The following DCHS1 variants were observed in gnomAD, a reference collection of about 807,000 sequenced individuals.
The protein encoded by DCHS1 is protocadherin-16.
A neutral mutation model predicts 213.9 loss-of-function variants in DCHS1; 78 were observed. That is an observed-to-expected ratio of 0.36 (90% confidence interval 0.30 to 0.44). The LOEUF (loss-of-function observed/expected upper bound fraction) is 0.44. Ranked by LOEUF, DCHS1 falls within the 20% of genes least tolerant of loss-of-function variation. The pLI, the probability that DCHS1 is intolerant of heterozygous loss-of-function variation, is 1.00. For synonymous variants in DCHS1, 1,828 were observed against 1,873.7 expected (o/e 0.98, Z 0.63); for missense variants, 3,946 against 4,395.9 (o/e 0.90, Z 2.89).
chr11:6,627,380 T>G lies in DCHS1; in HGVS notation c.5659A>C (p.Asn1887His). ...LQAHDPDAGA[N>H]GHVTYYLGAG... is the part of the protein sequence containing the mutation. ...CCCAGGTAGTAGGTCACATGGCCATTAGCTCCAGCATCAGGGTCATGAGCC... is the reference window on the plus strand; with the variant it reads ...CCCAGGTAGTAGGTCACATGGCCATGAGCTCCAGCATCAGGGTCATGAGCC... The change falls in exon 14 of 21, where the codon AAT (asparagine) becomes CAT (histidine). Residue 1887 changes from asparagine to histidine, a missense_variant. By Grantham distance (68) the Asn-to-His change is moderately conservative. This residue lies in a region of DCHS1 where 3,384 missense variants were observed against 3,780.1 expected (regional missense o/e 0.90). Transcript: ENST00000299441. The surrounding 1 kb of genome is among the most constrained non-coding windows in gnomAD (Gnocchi z 5.4). 6.2e-7 allele frequency: 1 copy of G among 1,608,088 alleles called. No homozygotes were observed. The highest frequency in any genetic ancestry group is 8.5e-7 in the Non-Finnish European group (1 of 1,177,358).
intron 1 of DCHS1, among the ~76,000 whole-genome samples, chr11:6,647,331 G>A (rs1188379952): frequency 2.0e-5 from 3 of 152,156 alleles, no homozygotes; most frequent in Non-Finnish European, 2.9e-5. Flanking sequence ...CCACCGGTGC[G>A]TGCTGGGCCA....
Position 6,641,783 on chromosome 11 carries a change from TCCAGATAACCTGGACGAGGC to T in DCHS1, c.-120-70_-120-51del, listed in dbSNP as rs1034678797. Reference sequence around the variant, plus strand: ...GTCATGACAGAGGAGGGATCAGCAGTCCAGATAACCTGGACGAGGCCACATCAACATTCAGATATGCTCAG... The same window carrying T: ...GTCATGACAGAGGAGGGATCAGCAGTCACATCAACATTCAGATATGCTCAG... On this transcript the variant is annotated intron_variant, in intron 1 of 20. Transcript: ENST00000299441. The surrounding 1 kb of genome is among the most constrained non-coding windows in gnomAD (Gnocchi z 7.1). 5.0e-6 allele frequency: 7 copies of T among 1,404,878 alleles called. No individual in the cohort carries two copies. The highest frequency in any genetic ancestry group is 6.5e-6 in the Non-Finnish European group (7 of 1,073,984). The allele number at this position is 1,404,878 out of a possible 1,614,324, so 87.0% of individuals were successfully genotyped here.
intron 6 of DCHS1, 48 bp from the exon 7 acceptor site, chr11:6,631,857 A>T: frequency 1.3e-6 from 2 of 1,486,342 alleles, no homozygotes; most frequent in South Asian, 2.8e-5. Context: ...AAGGATGCAG[A>T]GCCTGAGGCC....
At position 6,640,438 on chromosome 11, in the gene DCHS1, G is replaced by A. The variant is rs777724702; in HGVS notation, c.1176C>T (p.Asp392=). Residue 392 remains aspartate, a synonymous_variant, in exon 2 of 21, where the codon GAC becomes GAT. Transcript: ENST00000299441. The surrounding 1 kb of genome is among the most constrained non-coding windows in gnomAD (Gnocchi z 6.5). ...GQLVARISVS[D]PDDGDFAHVN... Reference sequence around the variant, plus strand: ...CATGGGCAAAGTCACCATCATCTGGGTCTGACACAGAGATGCGAGCAACGA... The same window carrying A: ...CATGGGCAAAGTCACCATCATCTGGATCTGACACAGAGATGCGAGCAACGA... The A allele has an allele frequency of 2.5e-6, 4 of 1,613,932 alleles. No homozygotes were observed. The highest frequency in any genetic ancestry group is 3.3e-5 in the Admixed American group (2 of 60,026).
chr11:6,625,291 T>G lies in DCHS1; in HGVS notation c.7053A>C (p.Ala2351=). Residue 2351 remains alanine (A), a synonymous_variant, in exon 19 of 21, where the codon GCA becomes GCC. Coordinates refer to ENST00000299441, the MANE Select transcript of DCHS1 (RefSeq NM_003737.4). The surrounding 1 kb of genome is among the most constrained non-coding windows in gnomAD (Gnocchi z 5.3). ...CACGGCCCTCATGAGGCCCATCATG[T>G]GCCAGCAGCTGCAGCTGGTAGCGGT... ...QCDRYQLQLL[A]HDGPHEGRAN... is the part of the protein sequence containing the mutation. 6.2e-7 allele frequency: 1 copy of G among 1,613,864 alleles called. No homozygotes were observed. Among genetic ancestry groups the G allele is most frequent in the Non-Finnish European group, 8.5e-7 (1 of 1,179,884 alleles).
At chr11:6,643,426 A>G (rs1483915935) in intron 1 of DCHS1, among the ~76,000 whole-genome samples, 1 of 152,092 alleles carries the variant, frequency 6.6e-6, no homozygotes, top group East Asian at 1.9e-4. Context: ...GTTGGCGGCC[A>G]CCTGTTTATC....
At position 6,640,636 on chromosome 11, in the gene DCHS1, C is replaced by T. The variant is rs778785311; in HGVS notation, c.978G>A (p.Arg326=). The change falls in exon 2 of 21, where the codon CGG becomes CGA. Residue 326 remains arginine, a synonymous_variant. Transcript: ENST00000299441. This position sits in a 1 kb window ranked among gnomAD's most constrained non-coding sequence, Gnocchi z 6.5. ...GTGCTTGCACCACCAGTTCATGGAC[C>T]CGCCGCTGCTCAAAGTCCAGTGGCC... ...LERPLDFEQR[R]VHELVVQARD... is the part of the protein sequence containing the mutation. 1.4e-5 allele frequency: 22 copies of T among 1,611,506 alleles called. No individual in the cohort carries two copies. The Admixed American group carries it at 3.7e-4, about 27-fold the overall frequency.
At position 6,625,966 on chromosome 11, in the gene DCHS1, T is replaced by G. The variant is rs748941825; in HGVS notation, c.6685A>C (p.Ile2229Leu). The change falls in exon 17 of 21, where the codon ATC (isoleucine) becomes CTC (leucine). Residue 2229 changes from isoleucine (I) to leucine (L), a missense_variant. Ile to Leu is a conservative substitution (Grantham distance 5). Transcript: ENST00000299441. The surrounding 1 kb of genome is among the most constrained non-coding windows in gnomAD (Gnocchi z 5.3). ...LFHVDPTTGT[I>L]TTTAILDREI... is the part of the protein sequence containing the mutation. ...CGGTCCAGGATGGCTGTGGTAGTGA[T>G]AGTGCCTGTGGTTGGGTCTACGTGG... 4 of 1,613,658 alleles carry G rather than the reference T, an allele frequency of 2.5e-6. No homozygotes were observed. In the Admixed American group the frequency reaches 6.7e-5, roughly 27 times the overall value.
rs775844204 is a variant in DCHS1, at chr11:6,632,650, C to A, written c.2862G>T (p.Arg954Ser). The A allele has an allele frequency of 9.6e-6, 15 of 1,562,902 alleles. No individual in the cohort carries two copies. In the East Asian group the frequency reaches 3.3e-4, roughly 35 times the overall value. The stretch of plus-strand genomic sequence containing the variant: ...CTGGCCCTCCTGAGGGCCCCAGAGG[C>A]CTCATAAGCCGTACATGGCCTGTGG... ...DPTTGHVRLM[R>S]PLGPSGGPAH... Residue 954 changes from arginine to serine, a missense_variant, in exon 6 of 21, where the codon AGG becomes AGT. Arg to Ser is a moderately radical substitution (Grantham distance 110). Transcript: ENST00000299441. The surrounding 1 kb of genome is among the most constrained non-coding windows in gnomAD (Gnocchi z 5.9).
chr11:6,630,424 G>A lies in DCHS1; in HGVS notation c.4370C>T (p.Thr1457Ile). Residue 1457 changes from threonine to isoleucine, a missense_variant, in exon 10 of 21, where the codon ACT becomes ATT. Physicochemically the swap from Thr to Ile is moderately conservative, Grantham distance 89. Transcript: ENST00000299441. ...ENPEPGAALY[T>I]FRASDADGPG... ...GCCGTCGGCGTCCGACGCGCGGAAA[G>A]TGTACAGCGCTGCGCCGGGCTCCGG... 1 of 1,476,428 alleles carries A rather than the reference G, an allele frequency of 6.8e-7. No homozygotes were observed. Among genetic ancestry groups the A allele is most frequent in the Non-Finnish European group, 8.9e-7 (1 of 1,120,300 alleles). 91.5% of individuals were successfully genotyped at this position (1,476,428 alleles called of 1,614,324 possible).
intron 1 of DCHS1, among the ~76,000 whole-genome samples, chr11:6,650,880 G>A (rs974185203): frequency 3.3e-5 from 5 of 152,196 alleles, no homozygotes; most frequent in African/African-American, 1.2e-4. Flanking sequence ...GAAGAGGATC[G>A]AGGGAGACGA....
intron 6 of DCHS1, 86 bp from the exon 7 acceptor site, chr11:6,631,895 G>C: frequency 6.9e-7 from 1 of 1,455,556 alleles, no homozygotes; most frequent in Non-Finnish European, 9.1e-7. Context: ...TGTTTGGGGA[G>C]TGGGGGAGGG....
chr11:6,648,929 A>C (rs1856206376), intron 1 of DCHS1, among the ~76,000 whole-genome samples: 1 of 152,186 alleles, frequency 6.6e-6, no homozygotes, highest in African/African-American at 2.4e-5. Context: ...TCGGCCACTT[A>C]AGCATGAGTC....
intron 20 of DCHS1, 50 bp downstream of exon 20, chr11:6,624,680 T>C (rs202152693): frequency 1.2e-6 from 2 of 1,611,358 alleles, no homozygotes. Context: ...GAGGTCAGAT[T>C]ACAGCCCAAC....
Position 6,631,633 on chromosome 11 carries a change from C to T in DCHS1, c.3658G>A (p.Gly1220Arg). Reference sequence around the variant, plus strand: ...TCACATACCTGTATAGGGAGGCCCCCACCAGCAGCTCCTGAAGCCTGCAGG... The same window carrying T: ...TCACATACCTGTATAGGGAGGCCCCTACCAGCAGCTCCTGAAGCCTGCAGG... ...TFLQASGAAG[G>R]GLPIQVPDRV... Residue 1220 changes from glycine (G) to arginine (R), a missense_variant, in exon 7 of 21, where the codon GGG (glycine) becomes AGG (arginine). This residue lies in a region of DCHS1 where 3,384 missense variants were observed against 3,780.1 expected (regional missense o/e 0.90). Transcript: ENST00000299441. The T allele has an allele frequency of 6.3e-7, 1 of 1,580,878 alleles. No homozygotes were observed.
In DCHS1 at chr11:6,628,355, G is replaced by C. The variant is rs990258940; in HGVS notation, c.5371+266C>G. ...AATTAAGAGTGTTAAGGGTTTTTGA[G>C]ACCAAAAATTTGAGAACGACTGCTC... On this transcript the variant is annotated intron_variant, in intron 13 of 20. Coordinates refer to ENST00000299441, the MANE Select transcript of DCHS1 (RefSeq NM_003737.4). This position sits in a 1 kb window ranked among gnomAD's most constrained non-coding sequence, Gnocchi z 4.3. 1.3e-5 allele frequency among the ~76,000 whole-genome samples: 2 copies of C among 152,126 alleles called. No individual in the cohort carries two copies. Among genetic ancestry groups the C allele is most frequent in the Admixed American group, 6.5e-5 (1 of 15,274 alleles).
At chr11:6,631,901 G>T in intron 6 of DCHS1, 92 bp from the exon 7 acceptor site, 1 of 1,451,394 alleles carries the variant, frequency 6.9e-7, no homozygotes, top group Non-Finnish European at 9.1e-7. Context: ...GGGAGTGGGG[G>T]AGGGAATGCC....
At position 6,623,954 on chromosome 11, in the gene DCHS1, T is replaced by A; in HGVS notation, c.7722A>T (p.Ala2574=). ...SLTQYNLTVA[A]ADRGQPPQSS... ...TTTGGGGTGGCTGCCCACGGTCAGC[T>A]GCAGCCACTGTTAGATTGTACTGTG... Residue 2574 remains alanine (A), a synonymous_variant, in exon 21 of 21, where the codon GCA becomes GCT. Coordinates refer to ENST00000299441, the MANE Select transcript of DCHS1 (RefSeq NM_003737.4). 1 of 1,607,304 alleles carries A rather than the reference T, an allele frequency of 6.2e-7. No homozygotes were observed. Among genetic ancestry groups the A allele is most frequent in the Non-Finnish European group, 8.5e-7 (1 of 1,174,966 alleles).
Position 6,626,957 on chromosome 11 carries a change from C to T in DCHS1, c.6082G>A (p.Ala2028Thr). 1 of 1,613,738 alleles carries T rather than the reference C, an allele frequency of 6.2e-7. No individual in the cohort carries two copies. Among genetic ancestry groups the T allele is most frequent in the Non-Finnish European group, 8.5e-7 (1 of 1,179,882 alleles). The part of the protein sequence containing the change: ...GEIRVARSPV[A>T]LGPRDRVLFI... ...AGGACACGATCTCGGGGGCCTAGAG[C>T]TACAGGAGAGCGGGCCACGCGGATT... Residue 2028 changes from alanine to threonine, a missense_variant, in exon 14 of 21, where the codon GCT (alanine) becomes ACT (threonine). By Grantham distance (58) the Ala-to-Thr change is moderately conservative (BLOSUM62 0). Coordinates refer to ENST00000299441, the MANE Select transcript of DCHS1 (RefSeq NM_003737.4). This position sits in a 1 kb window ranked among gnomAD's most constrained non-coding sequence, Gnocchi z 5.2.
Sources: allele counts gnomAD v4.1 joint callset (sites outside exome capture counted in the v4.1 genomes callset), GRCh38; gene constraint gnomAD v4.1.1; regional missense constraint gnomAD v4.1.1; non-coding constraint Gnocchi (gnomAD v3.1); transcripts MANE v1.5; gene names NCBI Gene and HGNC (gene_info 2026-07-23, HGNC 2026-07-21).